CDKL4: variants seen among roughly 807,000 people sequenced by gnomAD.
The protein encoded by CDKL4 is cyclin dependent kinase like 4, also known as cyclin-dependent kinase-like 4.
A neutral mutation model predicts 42.0 loss-of-function variants in CDKL4; 44 were observed. That is an observed-to-expected ratio of 1.05 (90% confidence interval 0.82 to 1.35). The LOEUF is 1.35. CDKL4 is among the 40% of genes most tolerant of loss of function. CDKL4 has a pLI of 0.00. For missense variants in CDKL4, 393 were observed against 369.9 expected (o/e 1.06, Z -0.51); for synonymous variants, 120 against 121.6 (o/e 0.99, Z 0.09).
intron 1 of CDKL4, among the ~76,000 whole-genome samples, chr2:39,232,771 C>A (rs1679145693): frequency 6.6e-6 from 1 of 151,894 alleles, no homozygotes; most frequent in African/African-American, 2.4e-5. Context: ...CCTAGCTGGG[C>A]GTGGTGGCTC....
At chr2:39,211,253 G>C in intron 4 of CDKL4, among the ~76,000 whole-genome samples, 1 of 152,126 alleles carries the variant, frequency 6.6e-6, no homozygotes. Context: ...TGAGTGTAGT[G>C]GCATGTGCCT....
chr2:39,195,061 G>A (rs1676430635), intron 5 of CDKL4, among the ~76,000 whole-genome samples: 2 of 152,218 alleles, frequency 1.3e-5, no homozygotes, highest in Middle Eastern at 6.8e-3. Flanking sequence ...AGAATCATAC[G>A]ATATTTGTCC....
In CDKL4 at chr2:39,177,781, C is replaced by T. The variant is rs58378267; in HGVS notation, c.927+1406G>A. ...CTCAGCTCACTGCAACTCTGCCTCC[C>T]GGGTTCATGCAAGTCTCCTGCCTCA... On this transcript the variant is annotated intron_variant, in intron 9 of 9. Transcript: ENST00000451199. Among the ~76,000 whole-genome samples, 1,333 of 148,074 alleles carry T rather than the reference C, an allele frequency of 9.0e-3. 30 individuals carry two copies. The highest frequency in any genetic ancestry group is 0.032 in the African/African-American group (1,266 of 40,108).
rs566927368 is a variant in CDKL4 at position 39,187,430 on chromosome 2, C to T, written c.735+197G>A. Among the ~76,000 whole-genome samples the T allele has an allele frequency of 9.6e-4, 145 of 151,694 alleles. 1 individual carries two copies. Among genetic ancestry groups the T allele is most frequent in the Middle Eastern group, 3.4e-3 (1 of 292 alleles). On this transcript the variant is annotated intron_variant, in intron 7 of 9. Transcript: ENST00000451199. Reference sequence around the variant, plus strand: ...GCATGGTGGCTCATATGAGTAATTCCAGCATTGGGGAGGCTGAGGTGGGAG... The same window carrying T: ...GCATGGTGGCTCATATGAGTAATTCTAGCATTGGGGAGGCTGAGGTGGGAG...
intron 3 of CDKL4, among the ~76,000 whole-genome samples, chr2:39,224,369 T>C (rs2148380158): frequency 6.6e-6 from 1 of 152,282 alleles, no homozygotes; most frequent in Middle Eastern, 3.4e-3. Context: ...TTTAGAAACA[T>C]GTTCATTTAA....
At chr2:39,221,001 GTTTTTTT>G (rs1678311355) in intron 3 of CDKL4, among the ~76,000 whole-genome samples, 1 of 78,804 alleles carries the variant, frequency 1.3e-5, no homozygotes, top group Non-Finnish European at 2.3e-5. Flanking sequence ...TTTTTTTTTT[GTTTTTTT>G]TTTTGTTTTG....
intron 1 of CDKL4, among the ~76,000 whole-genome samples, chr2:39,237,360 A>T (rs1470967693): frequency 6.6e-6 from 1 of 152,252 alleles, no homozygotes; most frequent in Non-Finnish European, 1.5e-5. Context: ...ACACTCATTC[A>T]TGATGAATAC....
chr2:39,180,696 T>C (rs1675390477), intron 8 of CDKL4, among the ~76,000 whole-genome samples: 1 of 150,946 alleles, frequency 6.6e-6, no homozygotes, highest in Non-Finnish European at 1.5e-5. Context: ...CTTTTTTTTT[T>C]TTTTTTTTTT....
At chr2:39,244,858 C>T (rs956695764), upstream of CDKL4, among the ~76,000 whole-genome samples, 2 of 152,160 alleles carry the variant, frequency 1.3e-5, no homozygotes, top group Non-Finnish European at 2.9e-5. Flanking sequence ...CTGTGTCTAG[C>T]TCAGGGTTTG....
chr2:39,217,634 A>G (rs1678010942), intron 3 of CDKL4, among the ~76,000 whole-genome samples: 1 of 151,968 alleles, frequency 6.6e-6, no homozygotes, highest in Non-Finnish European at 1.5e-5. Flanking sequence ...CTCCTATCAC[A>G]TCCCTAAAGT....
At chr2:39,172,035 G>T (rs1312276145), downstream of CDKL4, among the ~76,000 whole-genome samples, 1 of 152,156 alleles carries the variant, frequency 6.6e-6, no homozygotes, top group Non-Finnish European at 1.5e-5. Flanking sequence ...CACAGGCTGG[G>T]CATGGTGGTT....
chr2:39,241,012 A>T (rs1276696025), intron 1 of CDKL4, among the ~76,000 whole-genome samples: 1 of 152,316 alleles, frequency 6.6e-6, no homozygotes, highest in Admixed American at 6.5e-5. Context: ...GAAAAACAAA[A>T]TGCGACGTGT....
chr2:39,240,175 C>A (rs562371005), intron 1 of CDKL4, among the ~76,000 whole-genome samples: 3 of 148,674 alleles, frequency 2.0e-5, no homozygotes, highest in African/African-American at 7.5e-5. Context: ...TTTGGGAGGC[C>A]GAGACAGGCG....
chr2:39,178,933 T>G lies in CDKL4; in HGVS notation c.927+254A>C, dbSNP rs1360940378. 3.5e-6 allele frequency: 5 copies of G among 1,447,868 alleles called. No individual in the cohort carries two copies. In the African/African-American group the frequency reaches 7.2e-5, roughly 21 times the overall value. The allele number at this position is 1,447,868 out of a possible 1,614,324, so 89.7% of individuals were successfully genotyped here. A position where few individuals can be genotyped will look rare whatever the true frequency, so the allele number is the denominator to read the frequency against. On this transcript the variant is annotated intron_variant, in intron 9 of 9. Coordinates refer to ENST00000451199, the Ensembl canonical transcript of CDKL4. ...ACGATCTTGTGGGTGGGATATCCAATCAGAGCAGCCAAAGAGTTGCGTAAC... is the reference window on the plus strand; with the variant it reads ...ACGATCTTGTGGGTGGGATATCCAAGCAGAGCAGCCAAAGAGTTGCGTAAC...
intron 8 of CDKL4, among the ~76,000 whole-genome samples, chr2:39,180,881 G>A (rs924911774): frequency 6.6e-6 from 1 of 152,102 alleles, no homozygotes; most frequent in African/African-American, 2.4e-5. Context: ...AGTAGAGACA[G>A]GTTCACCATG....
intron 4 of CDKL4, among the ~76,000 whole-genome samples, chr2:39,205,671 A>G (rs1280513918): frequency 6.8e-6 from 1 of 147,996 alleles, no homozygotes; most frequent in African/African-American, 2.5e-5. Flanking sequence ...GAGGCAGGAG[A>G]ATGGCGGGAA....
chr2:39,234,031 C>T lies in CDKL4; in HGVS notation c.-56-4443G>A, dbSNP rs112209016. On this transcript the variant is annotated intron_variant, in intron 1 of 9. Transcript: ENST00000451199. ...CGGGTTCAAGCGATTCTCCTGCCTCCGCCTCCTGAATAGCTGGGACTACAG... is the reference window on the plus strand; with the variant it reads ...CGGGTTCAAGCGATTCTCCTGCCTCTGCCTCCTGAATAGCTGGGACTACAG... Among the ~76,000 whole-genome samples, 1,250 of 150,990 alleles carry T rather than the reference C, an allele frequency of 8.3e-3. 25 individuals carry two copies. Among genetic ancestry groups the T allele is most frequent in the African/African-American group, 0.026 (1,053 of 41,168 alleles).
At chr2:39,169,882 T>C in the CDKL4 span, among the ~76,000 whole-genome samples, 1 of 152,100 alleles carries the variant, frequency 6.6e-6, no homozygotes, top group Non-Finnish European at 1.5e-5. Flanking sequence ...CACTGCAACC[T>C]CCGCCTCCTG....
intron 2 of CDKL4, 81 bp from the exon 3 acceptor site, chr2:39,226,041 G>T: frequency 7.4e-7 from 1 of 1,353,274 alleles, no homozygotes; most frequent in Non-Finnish European, 9.8e-7. Flanking sequence ...GAAACTTAAA[G>T]TTGGAAGAAA....
Sources: allele counts gnomAD v4.1 joint callset (sites outside exome capture counted in the v4.1 genomes callset), GRCh38; gene constraint gnomAD v4.1.1; transcripts MANE v1.5; gene names NCBI Gene and HGNC (gene_info 2026-07-23, HGNC 2026-07-21).